DDX60: variants seen among roughly 807,000 people sequenced by gnomAD.
The protein encoded by DDX60 is DExD/H-box helicase 60.
Under a neutral mutation model 212.8 loss-of-function variants are expected in DDX60, and 165 were observed. The ratio of observed to expected loss-of-function variants is 0.78; its 90% CI spans 0.68 to 0.88. DDX60 has a LOEUF of 0.88. Ranked by LOEUF, DDX60 falls within the 40% of genes least tolerant of loss-of-function variation. The pLI is 0.00. For missense variants in DDX60, 1,905 were observed against 2,003.9 expected (o/e 0.95, Z 0.94); for synonymous variants, 703 against 685.3 (o/e 1.03, Z -0.40).
intron 30 of DDX60, among the ~76,000 whole-genome samples, chr4:168,240,833 A>C (rs1733810653): frequency 6.6e-6 from 1 of 152,204 alleles, no homozygotes. Flanking sequence ...AAATTATAAA[A>C]ATTCTAGAAG....
intron 19 of DDX60, among the ~76,000 whole-genome samples, chr4:168,269,910 C>T (rs1358236045): frequency 1.3e-5 from 2 of 152,154 alleles, no homozygotes; most frequent in Non-Finnish European, 2.9e-5. Flanking sequence ...TAGAGTTCAG[C>T]TCAATGCCAC....
chr4:168,289,231 G>A (rs1018790075), intron 8 of DDX60, among the ~76,000 whole-genome samples: 2 of 152,174 alleles, frequency 1.3e-5, no homozygotes, highest in Non-Finnish European at 2.9e-5. Context: ...ATGATCAACA[G>A]TGAGCTCCGT....
At chr4:168,276,352 A>T (rs1735341327) in intron 14 of DDX60, among the ~76,000 whole-genome samples, 171 bp from the exon 15 acceptor site, 1 of 152,226 alleles carries the variant, frequency 6.6e-6, no homozygotes, top group African/African-American at 2.4e-5. Flanking sequence ...TCCACACTTC[A>T]TCATCTCTGT....
intron 35 of DDX60, among the ~76,000 whole-genome samples, chr4:168,222,580 C>T (rs1733100547): frequency 6.6e-6 from 1 of 151,992 alleles, no homozygotes; most frequent in Non-Finnish European, 1.5e-5. Context: ...TAAACTGCAG[C>T]AATATCTAAA....
chr4:168,308,239 A>C, intron 3 of DDX60, 44 bp from the exon 4 acceptor site: 1 of 1,169,236 alleles, frequency 8.6e-7, no homozygotes, highest in African/African-American at 1.6e-5. Flanking sequence ...TATGCATTAA[A>C]TCATGTTCCA....
chr4:168,303,218 C>T (rs761976252), intron 5 of DDX60, among the ~76,000 whole-genome samples: 105 of 150,718 alleles, frequency 7.0e-4, no homozygotes, highest in Non-Finnish European at 1.0e-3. Context: ...AGGAGAATGG[C>T]GAGAACCCGG....
intron 35 of DDX60, among the ~76,000 whole-genome samples, chr4:168,223,624 T>G (rs983344215): frequency 6.6e-6 from 1 of 152,018 alleles, no homozygotes; most frequent in African/African-American, 2.4e-5. Context: ...GTATTTAAAT[T>G]TAGGATAAAA....
intron 30 of DDX60, among the ~76,000 whole-genome samples, chr4:168,238,415 GAGGGGAGGGAAGGGAAGGGA>G (rs1560819355): frequency 2.0e-5 from 2 of 102,438 alleles, no homozygotes; most frequent in East Asian, 3.3e-4. Flanking sequence ...GAGGGGAGGA[GAGGGGAGGGAAGGGAAGGGA>G]AGGGAAGGGA....
chr4:168,229,245 G>A lies in DDX60; in HGVS notation c.4534-3569C>T, dbSNP rs181743245. ...CCCCTTAACACATATCATCAATGGG[G>A]AAACTGAAGTTCCAGATCATGGGAG... On this transcript the variant is annotated intron_variant, in intron 33 of 37. Coordinates refer to ENST00000393743, the MANE Select transcript of DDX60 (RefSeq NM_017631.6). Among the ~76,000 whole-genome samples the A allele has an allele frequency of 2.5e-3, 387 of 152,242 alleles. 1 individual carries two copies. Among genetic ancestry groups the A allele is most frequent in the Middle Eastern group, 0.01 (3 of 294 alleles).
chr4:168,217,510 C>A (rs1438007781), intron 37 of DDX60, among the ~76,000 whole-genome samples: 2 of 152,098 alleles, frequency 1.3e-5, no homozygotes, highest in African/African-American at 2.4e-5. Context: ...AATGGCCCTG[C>A]AAAGATGTCC....
upstream of DDX60, among the ~76,000 whole-genome samples, chr4:168,320,111 C>A (rs1186529102): frequency 6.6e-6 from 1 of 152,186 alleles, no homozygotes; most frequent in African/African-American, 2.4e-5. Context: ...GATGTACCTG[C>A]CTGGGGTAGG....
intron 6 of DDX60, among the ~76,000 whole-genome samples, chr4:168,295,359 G>A (rs1409144073): frequency 6.6e-6 from 1 of 152,196 alleles, no homozygotes; most frequent in Non-Finnish European, 1.5e-5. Flanking sequence ...AGACAAGATT[G>A]AAAACCTAGT....
chr4:168,261,711 A>G (rs569515342), intron 24 of DDX60, among the ~76,000 whole-genome samples: 59 of 152,318 alleles, frequency 3.9e-4, no homozygotes, highest in Admixed American at 9.2e-4. Flanking sequence ...CTGCCAAAGT[A>G]TCAACAATAT....
chr4:168,220,134 G>A (rs1212125857), intron 37 of DDX60, among the ~76,000 whole-genome samples: 2 of 152,198 alleles, frequency 1.3e-5, no homozygotes, highest in South Asian at 2.1e-4. Flanking sequence ...AAAGTTTGGT[G>A]TTGCTTGGGA....
At chr4:168,277,616 T>C (rs904896537) in intron 14 of DDX60, among the ~76,000 whole-genome samples, 1 of 151,768 alleles carries the variant, frequency 6.6e-6, no homozygotes, top group African/African-American at 2.4e-5. Flanking sequence ...GGCGGGCAGA[T>C]CACAACGTCA....
In DDX60 at chr4:168,216,750, T is replaced by C; in HGVS notation, c.*183A>G. 2.1e-6 allele frequency: 1 copy of C among 485,316 alleles called. No individual in the cohort carries two copies. The highest frequency in any genetic ancestry group is 3.4e-5 in the South Asian group (1 of 29,730). The allele number at this position is 485,316 out of a possible 1,614,324, so 30.1% of individuals were successfully genotyped here. A position where few individuals can be genotyped will look rare whatever the true frequency, so the allele number is the denominator to read the frequency against. On this transcript the variant is annotated 3_prime_UTR_variant, in exon 38 of 38. Transcript: ENST00000393743. Reference sequence around the variant, plus strand: ...ATACTAAATAATTTGTGAGTATTCATGACAGAACATGGCAGGTTTGATTGC... The same window carrying C: ...ATACTAAATAATTTGTGAGTATTCACGACAGAACATGGCAGGTTTGATTGC...
At chr4:168,217,086 A>T in intron 37 of DDX60, 54 bp from the exon 38 acceptor site, 1 of 1,192,176 alleles carries the variant, frequency 8.4e-7, no homozygotes, top group East Asian at 2.6e-5. Flanking sequence ...GAATATTATA[A>T]GAAAGGCTTT....
chr4:168,285,859 A>C (rs1735807220), intron 10 of DDX60, among the ~76,000 whole-genome samples: 1 of 145,216 alleles, frequency 6.9e-6, no homozygotes, highest in South Asian at 2.4e-4. Flanking sequence ...TAAATCAGAT[A>C]GGTAGGTAGA....
intron 23 of DDX60, 144 bp downstream of exon 23, chr4:168,262,539 T>A: frequency 3.4e-6 from 2 of 582,610 alleles, no homozygotes; most frequent in Middle Eastern, 4.7e-4. Flanking sequence ...ACAGATAATG[T>A]TAGAAATATG....
Sources: allele counts gnomAD v4.1 joint callset (sites outside exome capture counted in the v4.1 genomes callset), GRCh38; gene constraint gnomAD v4.1.1; transcripts MANE v1.5; gene names NCBI Gene and HGNC (gene_info 2026-07-23, HGNC 2026-07-21).